RAP1GDS1: variants seen among roughly 807,000 people sequenced by gnomAD.
The protein encoded by RAP1GDS1 is RAP1, GTP-GDP dissociation stimulator 1.
Under a neutral mutation model 71.1 loss-of-function variants are expected in RAP1GDS1, and 35 were observed. The observed-to-expected ratio is 0.49, with a 90% CI of 0.38 to 0.65. RAP1GDS1 has a LOEUF of 0.65. RAP1GDS1 is among the 30% of genes least tolerant of loss of function. RAP1GDS1 has a pLI of 0.00. For missense variants in RAP1GDS1, 663 were observed against 706.1 expected (o/e 0.94, Z 0.69); for synonymous variants, 229 against 243.1 (o/e 0.94, Z 0.54).
chr4:98,391,847 C>A, intron 5 of RAP1GDS1, 105 bp from the exon 6 acceptor site: 1 of 1,102,608 alleles, frequency 9.1e-7, no homozygotes, highest in Non-Finnish European at 1.2e-6. Flanking sequence ...ATTTAAATAA[C>A]TTTGAGTTTC....
chr4:98,420,488 C>T (rs752227868), intron 11 of RAP1GDS1, among the ~76,000 whole-genome samples: 6 of 152,068 alleles, frequency 3.9e-5, no homozygotes, highest in Non-Finnish European at 7.4e-5. Flanking sequence ...GCCTCAGCCT[C>T]CTGAGTAGCT....
intron 7 of RAP1GDS1, 152 bp downstream of exon 7, chr4:98,404,754 T>A: frequency 1.1e-6 from 1 of 923,590 alleles, no homozygotes; most frequent in Non-Finnish European, 1.6e-6. Context: ...CTATGTTATC[T>A]ACTCCATAGC....
intron 5 of RAP1GDS1, among the ~76,000 whole-genome samples, chr4:98,382,421 T>C (rs542625249): frequency 2.4e-4 from 36 of 151,758 alleles, no homozygotes; most frequent in African/African-American, 8.4e-4. Context: ...GAAAATAGCC[T>C]GAATATTTGA....
intron 5 of RAP1GDS1, among the ~76,000 whole-genome samples, chr4:98,380,415 G>A (rs929740308): frequency 6.6e-6 from 1 of 151,702 alleles, no homozygotes; most frequent in Non-Finnish European, 1.5e-5. Flanking sequence ...TCCTGTCCAA[G>A]GGCTACCAGT....
intron 4 of RAP1GDS1, among the ~76,000 whole-genome samples, chr4:98,367,129 C>G (rs1053079679): frequency 6.6e-6 from 1 of 152,152 alleles, no homozygotes; most frequent in African/African-American, 2.4e-5. Flanking sequence ...TAGGGCCTGC[C>G]TACTCTGTGC....
intron 1 of RAP1GDS1, among the ~76,000 whole-genome samples, chr4:98,279,945 C>T (rs552070): frequency 0.87 from 133,120 of 152,258 alleles, 58,591 homozygotes; most frequent in East Asian, 1. Context: ...AACTCATCCT[C>T]TTTTATGGCT....
intron 2 of RAP1GDS1, among the ~76,000 whole-genome samples, chr4:98,333,105 A>G (rs1178411121): frequency 6.6e-6 from 1 of 152,042 alleles, no homozygotes; most frequent in African/African-American, 2.4e-5. Context: ...CAAAAATACA[A>G]TTTCATACCT....
At chr4:98,303,223 GA>G (rs1728828081) in intron 2 of RAP1GDS1, among the ~76,000 whole-genome samples, 1 of 152,014 alleles carries the variant, frequency 6.6e-6, no homozygotes, top group South Asian at 2.1e-4. Context: ...AAAGATAGAA[GA>G]ATCAAGGGAA....
At chr4:98,425,122 G>A (rs921679304) in intron 12 of RAP1GDS1, among the ~76,000 whole-genome samples, 1 of 152,156 alleles carries the variant, frequency 6.6e-6, no homozygotes, top group African/African-American at 2.4e-5. Context: ...CAAGAATTCT[G>A]TATCCAGTGA....
At chr4:98,285,407 A>T (rs1725822213) in intron 1 of RAP1GDS1, among the ~76,000 whole-genome samples, 1 of 152,196 alleles carries the variant, frequency 6.6e-6, no homozygotes, top group Non-Finnish European at 1.5e-5. Context: ...GCTTTATGAT[A>T]AATTTTACCA....
chr4:98,388,409 T>C (rs896339702), intron 5 of RAP1GDS1, among the ~76,000 whole-genome samples: 2 of 152,140 alleles, frequency 1.3e-5, no homozygotes, highest in African/African-American at 4.8e-5. Context: ...TGTTTCCCAC[T>C]CACCTCCCAA....
intron 12 of RAP1GDS1, among the ~76,000 whole-genome samples, chr4:98,423,422 T>C (rs754759863): frequency 6.6e-6 from 1 of 152,244 alleles, no homozygotes; most frequent in Non-Finnish European, 1.5e-5. Context: ...AAGTGAATTA[T>C]ATACCAAGTT....
chr4:98,407,313 A>G (rs1205813028), intron 7 of RAP1GDS1, among the ~76,000 whole-genome samples: 2 of 151,792 alleles, frequency 1.3e-5, no homozygotes, highest in African/African-American at 4.8e-5. Context: ...TAAATCTACA[A>G]AAAAAAATTT....
intron 4 of RAP1GDS1, among the ~76,000 whole-genome samples, 176 bp downstream of exon 4, chr4:98,352,777 A>C (rs924592773): frequency 1.3e-5 from 2 of 152,222 alleles, no homozygotes; most frequent in African/African-American, 4.8e-5. Context: ...TATTCTTATC[A>C]AAGAAATCAT....
chr4:98,307,012 ATTT>A (rs928162805), intron 2 of RAP1GDS1, among the ~76,000 whole-genome samples: 3 of 151,960 alleles, frequency 2.0e-5, no homozygotes, highest in Non-Finnish European at 4.4e-5. Flanking sequence ...TTAGTGAATC[ATTT>A]TTTTCTAATG....
intron 5 of RAP1GDS1, chr4:98,387,334 G>C: frequency 2.5e-6 from 1 of 405,626 alleles, no homozygotes; most frequent in Admixed American, 2.6e-5. Flanking sequence ...GGAATTCTCA[G>C]CATACTTTTC....
intron 4 of RAP1GDS1, among the ~76,000 whole-genome samples, chr4:98,356,335 T>C (rs1737967880): frequency 6.6e-6 from 1 of 152,164 alleles, no homozygotes; most frequent in Non-Finnish European, 1.5e-5. Flanking sequence ...TTTTATTGAT[T>C]TGTTTATATA....
chr4:98,308,763 T>G (rs957145068), intron 2 of RAP1GDS1, among the ~76,000 whole-genome samples: 5 of 152,124 alleles, frequency 3.3e-5, no homozygotes, highest in Admixed American at 2.6e-4. Context: ...CTAATGAGAA[T>G]TAGTATGTAA....
chr4:98,280,909 C>T (rs1333933091), intron 1 of RAP1GDS1, among the ~76,000 whole-genome samples: 2 of 152,148 alleles, frequency 1.3e-5, no homozygotes, highest in African/African-American at 2.4e-5. Flanking sequence ...TGTCAAAGAT[C>T]AGATGGTTGT....
Sources: allele counts gnomAD v4.1 joint callset (sites outside exome capture counted in the v4.1 genomes callset), GRCh38; gene constraint gnomAD v4.1.1; transcripts MANE v1.5; gene names NCBI Gene and HGNC (gene_info 2026-07-23, HGNC 2026-07-21).